The following SORCS2 variants were observed in gnomAD, a reference collection of about 807,000 sequenced individuals.
The protein encoded by SORCS2 is VPS10 domain-containing receptor SorCS2.
In SORCS2, 100 loss-of-function variants were observed where a neutral mutation model predicts 141.6. That is an observed-to-expected ratio of 0.71 (90% CI 0.60 to 0.83). The LOEUF is 0.83. Among genes scored for constraint, SORCS2 ranks in the 40% least tolerant of loss-of-function variants. The probability of loss-of-function intolerance (pLI) is 0.00; values close to 1 mark genes in which losing one functional copy is unlikely to be tolerated. For synonymous variants in SORCS2, 789 were observed against 676.9 expected, an observed-to-expected ratio of 1.17 and a Z score of -2.57; for missense variants, 1,646 against 1,560.2, an observed-to-expected ratio of 1.05 and a Z score of -0.93.
intron 1 of SORCS2, among the ~76,000 whole-genome samples, chr4:7,362,109 A>G (rs758455973): frequency 6.6e-6 from 1 of 152,160 alleles, no homozygotes; most frequent in African/African-American, 2.4e-5. Flanking sequence ...GAGACAGAGC[A>G]TGGAAGGGCC....
At chr4:7,369,716 C>T (rs1251123034) in intron 1 of SORCS2, among the ~76,000 whole-genome samples, 1 of 152,198 alleles carries the variant, frequency 6.6e-6, no homozygotes, top group African/African-American at 2.4e-5. Context: ...GCCCCTCGCA[C>T]ATGCCTCTGG....
At chr4:7,259,641 C>G (rs1486362754) in intron 1 of SORCS2, among the ~76,000 whole-genome samples, 1 of 152,202 alleles carries the variant, frequency 6.6e-6, no homozygotes, top group Non-Finnish European at 1.5e-5. Flanking sequence ...ACCCGCCTCC[C>G]CTCCTGCCTC....
intron 3 of SORCS2, among the ~76,000 whole-genome samples, chr4:7,538,792 G>A (rs1261900630): frequency 1.3e-5 from 2 of 152,204 alleles, no homozygotes; most frequent in African/African-American, 4.8e-5. Flanking sequence ...CCGTGTCTTC[G>A]TAGGGGAACT....
At chr4:7,245,533 A>T (rs1354243337) in intron 1 of SORCS2, among the ~76,000 whole-genome samples, 1 of 152,234 alleles carries the variant, frequency 6.6e-6, no homozygotes, top group African/African-American at 2.4e-5. Flanking sequence ...GCCTCGGATG[A>T]TTCCTCAGGG....
intron 1 of SORCS2, among the ~76,000 whole-genome samples, chr4:7,248,896 G>A (rs147508303): frequency 1.3e-5 from 2 of 152,316 alleles, no homozygotes; most frequent in East Asian, 3.9e-4. Context: ...CTTGTGTCTG[G>A]CACTGTAGGG....
intron 3 of SORCS2, among the ~76,000 whole-genome samples, chr4:7,631,703 G>C (rs754347432): frequency 4.9e-4 from 75 of 152,264 alleles, no homozygotes; most frequent in Non-Finnish European, 8.5e-4. Flanking sequence ...CACACCTATG[G>C]ACTGAATGAG....
chr4:7,731,561 A>G (rs1711689133), intron 23 of SORCS2, among the ~76,000 whole-genome samples: 1 of 152,250 alleles, frequency 6.6e-6, no homozygotes, highest in South Asian at 2.1e-4. Context: ...CCCTGACTTC[A>G]CAATGCGTTA....
At chr4:7,512,900 T>G (rs986693478) in intron 2 of SORCS2, among the ~76,000 whole-genome samples, 13 of 152,204 alleles carry the variant, frequency 8.5e-5, no homozygotes, top group Admixed American at 5.2e-4. Flanking sequence ...TGCCCCTCCA[T>G]GGCCTTGGAG....
intron 1 of SORCS2, among the ~76,000 whole-genome samples, chr4:7,326,864 G>A (rs995005138): frequency 1.2e-4 from 19 of 152,230 alleles, no homozygotes; most frequent in Admixed American, 3.9e-4. Context: ...CTGGGGAGAG[G>A]CTGGCACAAG....
chr4:7,318,588 T>C (rs1326865491), intron 1 of SORCS2, among the ~76,000 whole-genome samples: 2 of 152,338 alleles, frequency 1.3e-5, no homozygotes, highest in East Asian at 1.9e-4. Context: ...TCTATGCCTA[T>C]GTTGGGAGAA....
At chr4:7,714,465 C>T in intron 16 of SORCS2, 92 bp downstream of exon 16, 1 of 1,404,384 alleles carries the variant, frequency 7.1e-7, no homozygotes, top group Non-Finnish European at 9.6e-7. Flanking sequence ...AGGGAGGAAG[C>T]CTCAGCGCCT....
intron 12 of SORCS2, among the ~76,000 whole-genome samples, chr4:7,700,397 G>A (rs868590665): frequency 6.6e-6 from 1 of 152,170 alleles, no homozygotes; most frequent in Non-Finnish European, 1.5e-5. Flanking sequence ...CTCCTTGGGG[G>A]TCTCTCCCTA....
Position 7,591,667 on chromosome 4 carries a change from G to A in SORCS2, c.649-46661G>A, listed in dbSNP as rs1358938255. 7.9e-5 allele frequency among the ~76,000 whole-genome samples: 12 copies of A among 152,308 alleles called. No homozygotes were observed. The South Asian group carries it at 1.9e-3, about 24-fold the overall frequency. ...CCGGCTCACGAGGATTAACGATGAC[G>A]AGGGGGGTGTTAGCTCTGAAGAAAA... is the stretch of plus-strand genomic sequence containing the variant. On this transcript the variant is annotated intron_variant, in intron 3 of 26. Coordinates refer to ENST00000507866, the MANE Select transcript of SORCS2 (RefSeq NM_020777.3).
At chr4:7,434,337 T>C in intron 2 of SORCS2, 1 of 1,610,292 alleles carries the variant, frequency 6.2e-7, no homozygotes, top group Non-Finnish European at 8.5e-7. Flanking sequence ...GGCACAGAGC[T>C]CCTTCAGGCG....
At chr4:7,592,035 A>G (rs1446416735) in intron 3 of SORCS2, among the ~76,000 whole-genome samples, 1 of 152,128 alleles carries the variant, frequency 6.6e-6, no homozygotes, top group Non-Finnish European at 1.5e-5. Context: ...GCAGCTAGGA[A>G]AGCGCCGAGG....
rs552030308 is a variant in SORCS2 at position 7,671,560 on chromosome 4, A to C, written c.1161+4347A>C. Among the ~76,000 whole-genome samples, 8 of 152,338 alleles carry C rather than the reference A, an allele frequency of 5.3e-5. No homozygotes were observed. In the East Asian group the frequency reaches 1.5e-3, roughly 29 times the overall value. ...AGAAATTCTGGAGCTAAAAAGAATA[A>C]TTGAAAAGAAAAATTTACTAGAGGG... On this transcript the variant is annotated intron_variant, in intron 8 of 26. Coordinates refer to ENST00000507866, the MANE Select transcript of SORCS2 (RefSeq NM_020777.3).
At chr4:7,535,095 A>C (rs955571517) in intron 3 of SORCS2, among the ~76,000 whole-genome samples, 1 of 152,214 alleles carries the variant, frequency 6.6e-6, no homozygotes, top group African/African-American at 2.4e-5. Flanking sequence ...GCAAAGTCAC[A>C]GGTGCAGACA....
intron 25 of SORCS2, among the ~76,000 whole-genome samples, chr4:7,736,041 GC>G (rs1712141450): frequency 6.6e-6 from 1 of 152,240 alleles, no homozygotes; most frequent in Non-Finnish European, 1.5e-5. Context: ...AGGCAGAAGT[GC>G]CCAATATACT....
chr4:7,676,824 T>TCTCC (rs1553902878), intron 9 of SORCS2, among the ~76,000 whole-genome samples: 14,589 of 48,864 alleles, frequency 0.3, 4,628 homozygotes, highest in East Asian at 0.47. Flanking sequence ...TCTCTCTCTC[T>TCTCC]CTCTCCCTCT....
Sources: allele counts gnomAD v4.1 joint callset (sites outside exome capture counted in the v4.1 genomes callset), GRCh38; gene constraint gnomAD v4.1.1; transcripts MANE v1.5; gene names NCBI Gene and HGNC (gene_info 2026-07-23, HGNC 2026-07-21).